Variants in THSD7A observed in about 807,000 individuals in gnomAD.
THSD7A encodes the protein thrombospondin type-1 domain-containing protein 7A.
In THSD7A, 96 loss-of-function variants were observed where a neutral mutation model predicts 231.3. The ratio of observed to expected loss-of-function variants is 0.41; its 90% confidence interval spans 0.35 to 0.49. The LOEUF (loss-of-function observed/expected upper bound fraction) is 0.49, where lower values mean the gene tolerates loss of function less well. Ranked by LOEUF, THSD7A falls within the 20% of genes least tolerant of loss-of-function variation. The pLI, the probability that THSD7A is intolerant of heterozygous loss-of-function variation, is 0.05. For missense variants in THSD7A, 2,290 were observed against 2,070.2 expected (o/e 1.11, Z -2.06); for synonymous variants, 940 against 743.3 (o/e 1.26, Z -4.30).
intron 2 of THSD7A, among the ~76,000 whole-genome samples, chr7:11,597,725 T>C (rs1449173533): frequency 3.3e-5 from 5 of 152,196 alleles, no homozygotes; most frequent in African/African-American, 9.7e-5. Context: ...CTGCCTATCA[T>C]GTACTGGGTG....
intron 1 of THSD7A, among the ~76,000 whole-genome samples, chr7:11,800,489 C>A (rs1583301498): frequency 6.6e-6 from 1 of 152,184 alleles, no homozygotes; most frequent in Admixed American, 6.5e-5. Flanking sequence ...GCAGAGGTTG[C>A]AGCCAGCCAG....
At chr7:11,627,806 T>C (rs893013523) in intron 2 of THSD7A, among the ~76,000 whole-genome samples, 2 of 152,188 alleles carry the variant, frequency 1.3e-5, no homozygotes, top group African/African-American at 2.4e-5. Context: ...GACTGCCTAG[T>C]TGCTCTATCA....
chr7:11,403,898 A>T (rs1474331329), intron 22 of THSD7A, among the ~76,000 whole-genome samples: 2 of 152,198 alleles, frequency 1.3e-5, no homozygotes, highest in African/African-American at 4.8e-5. Flanking sequence ...AACACATGAG[A>T]TGTATTTCCT....
At chr7:11,586,090 C>T (rs1389065520) in intron 4 of THSD7A, among the ~76,000 whole-genome samples, 3 of 151,948 alleles carry the variant, frequency 2.0e-5, no homozygotes, top group African/African-American at 7.3e-5. Flanking sequence ...TTTTCATTTA[C>T]CATATTAAGA....
intron 2 of THSD7A, among the ~76,000 whole-genome samples, chr7:11,601,172 AT>A (rs1336647914): frequency 3.9e-5 from 6 of 152,150 alleles, no homozygotes; most frequent in African/African-American, 7.2e-5. Flanking sequence ...TCTTCCTAAT[AT>A]TTTTTTCGTA....
chr7:11,445,247 G>A (rs530402724), intron 13 of THSD7A, among the ~76,000 whole-genome samples: 1 of 151,930 alleles, frequency 6.6e-6, no homozygotes, highest in Non-Finnish European at 1.5e-5. Context: ...CAAGTATGTG[G>A]TATCTATGTT....
intron 1 of THSD7A, among the ~76,000 whole-genome samples, chr7:11,754,909 A>G (rs1427399457): frequency 2.6e-5 from 4 of 152,096 alleles, no homozygotes; most frequent in Non-Finnish European, 5.9e-5. Flanking sequence ...AATTATATAC[A>G]TGATCAGTGG....
chr7:11,634,997 T>A lies in THSD7A; in HGVS notation c.1022+1133A>T, dbSNP rs937233803. On this transcript the variant is annotated intron_variant, in intron 2 of 27. Coordinates refer to ENST00000423059, the MANE Select transcript of THSD7A (RefSeq NM_015204.3). The surrounding 1 kb of genome is among the most constrained non-coding windows in gnomAD (Gnocchi z 4.1). ...AAAGCTAAATAAAGCTAAAGATATG[T>A]TAATAAACAACATGCATGCCACACA... Among the ~76,000 whole-genome samples the A allele has an allele frequency of 3.9e-5, 6 of 152,088 alleles. No individual in the cohort carries two copies. The South Asian group carries it at 1.2e-3, about 32-fold the overall frequency.
chr7:11,582,178 C>T (rs977022068), intron 4 of THSD7A, among the ~76,000 whole-genome samples: 3 of 151,796 alleles, frequency 2.0e-5, no homozygotes, highest in Non-Finnish European at 1.5e-5. Flanking sequence ...TTTATCCAGC[C>T]TCTTTCATTT....
rs1400808881 is a variant in THSD7A at position 11,447,433 on chromosome 7, A to G, written c.2606-9T>C. The stretch of plus-strand genomic sequence containing the variant: ...CTTGCGACAAGTAATGGCTAAAAGA[A>G]AAGCATAAAGCTGTTATAACAAATT... On this transcript the variant is annotated splice_polypyrimidine_tract_variant and intron_variant, in intron 11 of 27. Transcript: ENST00000423059. The G allele has an allele frequency of 6.6e-7, 1 of 1,523,308 alleles. No individual in the cohort carries two copies. The highest frequency in any genetic ancestry group is 1.4e-5 in the African/African-American group (1 of 71,382). The allele number at this position is 1,523,308 out of a possible 1,614,324, so 94.4% of individuals were successfully genotyped here.
intron 1 of THSD7A, among the ~76,000 whole-genome samples, chr7:11,650,743 G>T (rs1362207006): frequency 2.6e-5 from 4 of 152,062 alleles, no homozygotes; most frequent in Non-Finnish European, 4.4e-5. Flanking sequence ...GGCAGAGGTG[G>T]AGCCAAGAGG....
Position 11,428,956 on chromosome 7 carries a change from A to G in THSD7A, c.3234T>C (p.His1078=). The G allele has an allele frequency of 6.2e-7, 1 of 1,605,302 alleles. No homozygotes were observed. Among genetic ancestry groups the G allele is most frequent in the South Asian group, 1.1e-5 (1 of 89,308 alleles). The change falls in exon 14 of 28, where the codon CAT becomes CAC. Residue 1078 remains histidine, a synonymous_variant. Coordinates refer to ENST00000423059, the MANE Select transcript of THSD7A (RefSeq NM_015204.3). ...CAATGATAGAAAATACCTGGTTGAC[A>G]TGGTCCAGTTTGGGGCAAGGCCTTC... ...NGGRPCPKLD[H]VNQAQVYEVV...
chr7:11,517,624 G>T lies in THSD7A; in HGVS notation c.1822+23795C>A, dbSNP rs557199999. Reference sequence around the variant, plus strand: ...CAAGTCTTTTTTAGTTTCTTCTCTTGATCTGAGCAGTTGGTAGACAACTAC... The same window carrying T: ...CAAGTCTTTTTTAGTTTCTTCTCTTTATCTGAGCAGTTGGTAGACAACTAC... On this transcript the variant is annotated intron_variant, in intron 6 of 27. Transcript: ENST00000423059. Among the ~76,000 whole-genome samples, 9 of 152,164 alleles carry T rather than the reference G, an allele frequency of 5.9e-5. No individual in the cohort carries two copies. The South Asian group carries it at 1.9e-3, about 32-fold the overall frequency.
At chr7:11,620,707 T>C (rs1781275163) in intron 2 of THSD7A, among the ~76,000 whole-genome samples, 1 of 152,186 alleles carries the variant, frequency 6.6e-6, no homozygotes, top group Admixed American at 6.5e-5. Context: ...ATCCTACACA[T>C]GAATGATATG....
chr7:11,549,836 T>C (rs935819092), intron 4 of THSD7A, among the ~76,000 whole-genome samples: 1 of 152,030 alleles, frequency 6.6e-6, no homozygotes, highest in Non-Finnish European at 1.5e-5. Context: ...ACCTAGGTGA[T>C]GGGTTGACAG....
At chr7:11,378,703 G>A (rs1459181012) in intron 26 of THSD7A, 1 of 212,236 alleles carries the variant, frequency 4.7e-6, no homozygotes, top group Non-Finnish European at 9.5e-6. Context: ...GAAAAATTCT[G>A]GAATGTCTTT....
intron 1 of THSD7A, among the ~76,000 whole-genome samples, chr7:11,805,983 T>C (rs920196230): frequency 3.9e-5 from 6 of 152,158 alleles, no homozygotes; most frequent in African/African-American, 1.2e-4. Flanking sequence ...AAGGGAAAAC[T>C]ATTCAGTGAC....
At chr7:11,440,236 GATTT>G (rs950734869) in intron 13 of THSD7A, among the ~76,000 whole-genome samples, 5 of 151,950 alleles carry the variant, frequency 3.3e-5, no homozygotes, top group African/African-American at 1.2e-4. Context: ...CAGAAAAAAA[GATTT>G]ATTTCAAAAT....
At chr7:11,565,127 A>T (rs1373878701) in intron 4 of THSD7A, among the ~76,000 whole-genome samples, 1 of 152,182 alleles carries the variant, frequency 6.6e-6, no homozygotes, top group East Asian at 1.9e-4. Context: ...TTATTGACTC[A>T]AATTCTCACG....
Sources: allele counts gnomAD v4.1 joint callset (sites outside exome capture counted in the v4.1 genomes callset), GRCh38; gene constraint gnomAD v4.1.1; non-coding constraint Gnocchi (gnomAD v3.1); transcripts MANE v1.5; gene names NCBI Gene and HGNC (gene_info 2026-07-23, HGNC 2026-07-21).